VAX2: variants seen among roughly 807,000 people sequenced by gnomAD.
VAX2 encodes the protein ventral anterior homeobox 2.
A neutral mutation model predicts 12.5 loss-of-function variants in VAX2; 8 were observed. The ratio of observed to expected loss-of-function variants is 0.64; its 90% CI spans 0.37 to 1.15. VAX2 has a LOEUF of 1.15. VAX2 is among the 50% of genes most tolerant of loss of function. The probability of loss-of-function intolerance (pLI) is 0.01; values close to 1 mark genes in which losing one functional copy is unlikely to be tolerated. For missense variants in VAX2, 476 were observed against 412.9 expected, an observed-to-expected ratio of 1.15 and a Z score of -1.32; for synonymous variants, 183 against 187.6, an observed-to-expected ratio of 0.98 and a Z score of 0.20.
In VAX2 at chr2:70,921,151, C is replaced by G; in HGVS notation, c.301C>G (p.Arg101Gly). ...IVLPKGLDLD[R>G]PKRTRTSFTA... The stretch of plus-strand genomic sequence containing the variant: ...CCTGCCTAAGGGCCTGGACCTGGAC[C>G]GGCCCAAGCGGACACGTACATCCTT... Residue 101 changes from arginine (R) to glycine (G), a missense_variant, in exon 2 of 3, where the codon CGG becomes GGG. Arg to Gly is a moderately radical substitution (Grantham distance 125, BLOSUM62 -2). Coordinates refer to ENST00000234392, the MANE Select transcript of VAX2 (RefSeq NM_012476.3). 1 of 1,612,876 alleles carries G rather than the reference C, an allele frequency of 6.2e-7. No individual in the cohort carries two copies. Among genetic ancestry groups the G allele is most frequent in the Non-Finnish European group, 8.5e-7 (1 of 1,179,586 alleles).
chr2:70,916,394 CT>C (rs1421741706), intron 1 of VAX2, among the ~76,000 whole-genome samples: 2 of 151,648 alleles, frequency 1.3e-5, no homozygotes, highest in African/African-American at 4.9e-5. Flanking sequence ...TTTCCTTGCA[CT>C]GTTTTTTTGT....
At position 70,932,933 on chromosome 2, in the gene VAX2, T is replaced by C. The variant is rs782811399; in HGVS notation, c.602T>C (p.Leu201Pro). ...TCTGTGCCCAGGGCCCCTAGCCTCC[T>C]GGCGCTGACCCCTAGCCTGCCAGGC... ...LLSVPRAPSL[L>P]ALTPSLPGLP... Residue 201 changes from leucine to proline, a missense_variant, in exon 3 of 3, where the codon CTG (leucine) becomes CCG (proline). Leu to Pro is a moderately conservative substitution (Grantham distance 98). Transcript: ENST00000234392. The C allele has an allele frequency of 1.2e-6, 2 of 1,613,052 alleles. No homozygotes were observed. The highest frequency in any genetic ancestry group is 1.7e-6 in the Non-Finnish European group (2 of 1,179,810).
In VAX2 at chr2:70,910,804, AC is replaced by A. The variant is rs760954337; in HGVS notation, c.247+9937del. The stretch of plus-strand genomic sequence containing the variant: ...TTCTTAAAAAAAAAAACAAAACAAA[AC>A]AAAAAACCCACAAAAAAACAGCAAC... On this transcript the variant is annotated intron_variant, in intron 1 of 2. Transcript: ENST00000234392. Among the ~76,000 whole-genome samples, 49 of 149,418 alleles carry A rather than the reference AC, an allele frequency of 3.3e-4. No individual in the cohort carries two copies. In the South Asian group the frequency reaches 4.2e-3, roughly 13 times the overall value.
rs551316970 is a variant in VAX2 at position 70,907,246 on chromosome 2, C to A, written c.247+6378C>A. ...CTTTGGGAAGCACTGAATTACAAAA[C>A]CTGAAAACCCTCATATATGTGGCGG... On this transcript the variant is annotated intron_variant, in intron 1 of 2. Coordinates refer to ENST00000234392, the MANE Select transcript of VAX2 (RefSeq NM_012476.3). 7.5e-4 allele frequency among the ~76,000 whole-genome samples: 115 copies of A among 152,358 alleles called. 2 individuals carry two copies. The highest frequency in any genetic ancestry group is 7.4e-3 in the Admixed American group (114 of 15,308).
chr2:70,904,018 A>G lies in VAX2; in HGVS notation c.247+3150A>G, dbSNP rs781915145. Among the ~76,000 whole-genome samples, 11 of 152,224 alleles carry G rather than the reference A, an allele frequency of 7.2e-5. No individual in the cohort carries two copies. Among genetic ancestry groups the G allele is most frequent in the Non-Finnish European group, 7.3e-5 (5 of 68,040 alleles). ...TGGTGCGTCTCCTGCCTCAAAATGA[A>G]GACTCCTACATGTCACACATGGGCA... is the stretch of plus-strand genomic sequence containing the variant. On this transcript the variant is annotated intron_variant, in intron 1 of 2. Coordinates refer to ENST00000234392, the MANE Select transcript of VAX2 (RefSeq NM_012476.3). This position sits in a 1 kb window ranked among gnomAD's most constrained non-coding sequence, Gnocchi z 4.2.
chr2:70,916,225 G>A (rs1287871154), intron 1 of VAX2, among the ~76,000 whole-genome samples: 1 of 152,118 alleles, frequency 6.6e-6, no homozygotes, highest in Non-Finnish European at 1.5e-5. Flanking sequence ...AGACTCGCAA[G>A]GAGTTATAAA....
chr2:70,908,651 G>A (rs1049766232), intron 1 of VAX2, among the ~76,000 whole-genome samples: 2 of 152,182 alleles, frequency 1.3e-5, no homozygotes, highest in Non-Finnish European at 2.9e-5. Context: ...TTCCACATGT[G>A]TGAGTATATC....
Position 70,900,650 on chromosome 2 carries a change from G to A in VAX2, c.29G>A (p.Arg10Gln). The A allele has an allele frequency of 1.6e-6, 2 of 1,278,124 alleles. No homozygotes were observed. The highest frequency in any genetic ancestry group is 4.2e-5 in the Admixed American group (1 of 23,832). 79.2% of individuals were successfully genotyped at this position (1,278,124 alleles called of 1,614,324 possible). A position where few individuals can be genotyped will look rare whatever the true frequency, so the allele number is the denominator to read the frequency against. Reference protein sequence around the residue: MGDGGAERDRGPARRAESGG... With the variant: MGDGGAERDQGPARRAESGG... ...GGCGATGGGGGCGCCGAGCGCGACC[G>A]GGGCCCCGCGCGCCGGGCGGAGTCT... Residue 10 changes from arginine (R) to glutamine (Q), a missense_variant, in exon 1 of 3, where the codon CGG (arginine) becomes CAG (glutamine). Physicochemically the swap from Arg to Gln is conservative, Grantham distance 43. Coordinates refer to ENST00000234392, the MANE Select transcript of VAX2 (RefSeq NM_012476.3).
At chr2:70,906,236 C>T (rs1279235510) in intron 1 of VAX2, among the ~76,000 whole-genome samples, 2 of 152,178 alleles carry the variant, frequency 1.3e-5, no homozygotes, top group African/African-American at 2.4e-5. Context: ...CCAGCTCATC[C>T]GGGAAGGCAG....
chr2:70,912,745 G>C (rs1253950832), intron 1 of VAX2, among the ~76,000 whole-genome samples: 3 of 152,096 alleles, frequency 2.0e-5, no homozygotes, highest in Non-Finnish European at 4.4e-5. Flanking sequence ...TAGGGCTTTG[G>C]AGGTGGGGGG....
At chr2:70,912,956 A>G (rs936570800) in intron 1 of VAX2, among the ~76,000 whole-genome samples, 1 of 152,308 alleles carries the variant, frequency 6.6e-6, no homozygotes, top group African/African-American at 2.4e-5. Context: ...CACCCTAATA[A>G]GTGCCTACCT....
chr2:70,922,679 G>T (rs943223512), intron 2 of VAX2, among the ~76,000 whole-genome samples: 19 of 152,126 alleles, frequency 1.2e-4, no homozygotes, highest in African/African-American at 4.3e-4. Flanking sequence ...GGAGGGGAAG[G>T]CCGGGGAAGG....
At chr2:70,906,307 G>A (rs1159742189) in intron 1 of VAX2, among the ~76,000 whole-genome samples, 2 of 152,114 alleles carry the variant, frequency 1.3e-5, no homozygotes, top group Non-Finnish European at 2.9e-5. Context: ...GGGACATTCA[G>A]CACTGCAGAA....
intron 1 of VAX2, among the ~76,000 whole-genome samples, chr2:70,908,591 T>A (rs549625844): frequency 2.0e-5 from 3 of 152,250 alleles, no homozygotes; most frequent in African/African-American, 4.8e-5. Flanking sequence ...TTTTCTTATC[T>A]GTTGCTATTA....
intron 2 of VAX2, among the ~76,000 whole-genome samples, chr2:70,928,601 T>C (rs1679623433): frequency 6.6e-6 from 1 of 152,162 alleles, no homozygotes; most frequent in South Asian, 2.1e-4. Context: ...TGCAGGAAGA[T>C]GGGATATGTG....
At chr2:70,914,958 AC>A (rs1454133304) in intron 1 of VAX2, among the ~76,000 whole-genome samples, 1 of 151,796 alleles carries the variant, frequency 6.6e-6, no homozygotes, top group Admixed American at 6.6e-5. Flanking sequence ...ACGCCACCAC[AC>A]CCAGCTAATT....
Position 70,933,396 on chromosome 2 carries a change from G to C in VAX2, c.*192G>C, listed in dbSNP as rs1324085227. Reference sequence around the variant, plus strand: ...GCTTGTGTGCGTGAGTGCAGTGTGAGTGTGTGTGTCTCTCACTGAAATAAA... The same window carrying C: ...GCTTGTGTGCGTGAGTGCAGTGTGACTGTGTGTGTCTCTCACTGAAATAAA... On this transcript the variant is annotated 3_prime_UTR_variant, in exon 3 of 3. Coordinates refer to ENST00000234392, the MANE Select transcript of VAX2 (RefSeq NM_012476.3). 2.3e-6 allele frequency: 1 copy of C among 442,974 alleles called. No homozygotes were observed. Among genetic ancestry groups the C allele is most frequent in the East Asian group, 3.5e-5 (1 of 28,352 alleles). The allele number at this position is 442,974 out of a possible 1,614,324, so 27.4% of individuals were successfully genotyped here. A position where few individuals can be genotyped will look rare whatever the true frequency, so the allele number is the denominator to read the frequency against.
intron 1 of VAX2, among the ~76,000 whole-genome samples, chr2:70,918,513 T>C (rs3771391): frequency 0.8 from 121,777 of 152,166 alleles, 49,364 homozygotes; most frequent in African/African-American, 0.94. Context: ...TTATGTTCTC[T>C]AGGGGAATGA....
At chr2:70,901,888 G>T (rs1309820215) in intron 1 of VAX2, among the ~76,000 whole-genome samples, 1 of 152,200 alleles carries the variant, frequency 6.6e-6, no homozygotes, top group African/African-American at 2.4e-5. Flanking sequence ...GCCACTGGCG[G>T]TAATGGCTCC....
Sources: gnomAD v4.1 joint callset for allele counts (sites outside exome capture counted in the v4.1 genomes callset) on GRCh38, gnomAD v4.1.1 for gene constraint, Gnocchi (gnomAD v3.1) non-coding constraint, MANE v1.5 for transcripts, NCBI Gene and HGNC (gene_info 2026-07-23, HGNC 2026-07-21) for gene names.